MEIS1: variants seen among roughly 807,000 people sequenced by gnomAD.
The protein encoded by MEIS1 is homeobox protein Meis1.
A neutral mutation model predicts 50.8 loss-of-function variants in MEIS1; 5 were observed. The observed-to-expected ratio is 0.10, with a 90% CI of 0.05 to 0.21. The LOEUF is 0.21. Ranked by LOEUF, MEIS1 falls within the 10% of genes least tolerant of loss-of-function variation. The pLI, the probability that MEIS1 is intolerant of heterozygous loss-of-function variation, is 1.00. For synonymous variants in MEIS1, 176 were observed against 179.3 expected (o/e 0.98, Z 0.15); for missense variants, 318 against 517.3 (o/e 0.61, Z 3.74).
At chr2:66,477,769 T>A (rs1672928502) in intron 7 of MEIS1, among the ~76,000 whole-genome samples, 1 of 152,176 alleles carries the variant, frequency 6.6e-6, no homozygotes, top group African/African-American at 2.4e-5. Flanking sequence ...TGGGCCTTCA[T>A]GTTTATGTGC....
At chr2:66,476,901 G>GAA (rs142681922) in intron 7 of MEIS1, among the ~76,000 whole-genome samples, 13 of 150,330 alleles carry the variant, frequency 8.6e-5, no homozygotes, top group Middle Eastern at 3.4e-3. Flanking sequence ...GGCATGTAAG[G>GAA]AAAAAAAAAA....
intron 8 of MEIS1, among the ~76,000 whole-genome samples, chr2:66,542,207 A>C (rs921751873): frequency 2.0e-5 from 3 of 152,198 alleles, no homozygotes; most frequent in African/African-American, 7.2e-5. Context: ...GATCCACAGT[A>C]TTCCCTTAGT....
intron 4 of MEIS1, chr2:66,440,979 C>A (rs1671964842): frequency 2.9e-6 from 1 of 350,784 alleles, no homozygotes; most frequent in Non-Finnish European, 5.1e-6. Context: ...CGGACAAGAG[C>A]CCCCAAACAA....
Position 66,571,825 on chromosome 2 carries a change from C to A in MEIS1, c.*617C>A. Reference sequence around the variant, plus strand: ...AAAAAAAATGTGAAATTTTTCCACACTATGTGTGTTGTTTCCATAGCTCTT... The same window carrying A: ...AAAAAAAATGTGAAATTTTTCCACAATATGTGTGTTGTTTCCATAGCTCTT... On this transcript the variant is annotated 3_prime_UTR_variant, in exon 13 of 13. Transcript: ENST00000272369. 1 of 342,260 alleles carries A rather than the reference C, an allele frequency of 2.9e-6. No individual in the cohort carries two copies. The highest frequency in any genetic ancestry group is 5.3e-6 in the Non-Finnish European group (1 of 189,028). The allele number at this position is 342,260 out of a possible 1,614,324, so 21.2% of individuals were successfully genotyped here.
chr2:66,446,244 A>T (rs1364592515), intron 6 of MEIS1, among the ~76,000 whole-genome samples: 1 of 152,196 alleles, frequency 6.6e-6, no homozygotes, highest in Non-Finnish European at 1.5e-5. Flanking sequence ...AGGGGGCGCC[A>T]AGAGGGGTTA....
chr2:66,503,410 C>G (rs1422943721), intron 7 of MEIS1, among the ~76,000 whole-genome samples: 2 of 152,182 alleles, frequency 1.3e-5, no homozygotes, highest in African/African-American at 4.8e-5. Flanking sequence ...CTGCCCACTA[C>G]ACGTAGTTGA....
intron 8 of MEIS1, among the ~76,000 whole-genome samples, chr2:66,530,260 T>C (rs1394130160): frequency 5.9e-5 from 9 of 151,370 alleles, no homozygotes; most frequent in Non-Finnish European, 1.3e-4. Context: ...AGAATACATA[T>C]AGAAGTAGCA....
At position 66,449,149 on chromosome 2, in the gene MEIS1, G is replaced by T. The variant is rs182630720; in HGVS notation, c.630+6101G>T. Among the ~76,000 whole-genome samples the T allele has an allele frequency of 2.4e-3, 370 of 152,088 alleles. 2 individuals carry two copies. The highest frequency in any genetic ancestry group is 3.8e-3 in the Non-Finnish European group (258 of 67,928). ...GACACAGTTTATCTGACAGTTGTGC[G>T]GATGTTATTATAGATTTAAAGATTT... On this transcript the variant is annotated intron_variant, in intron 6 of 12. Coordinates refer to ENST00000272369, the MANE Select transcript of MEIS1 (RefSeq NM_002398.3).
chr2:66,475,539 A>G (rs1672874347), intron 7 of MEIS1, among the ~76,000 whole-genome samples: 1 of 152,112 alleles, frequency 6.6e-6, no homozygotes, highest in South Asian at 2.1e-4. Context: ...AAGATCATGT[A>G]CAATGACTAG....
At chr2:66,438,344 T>C (rs958888076) in intron 2 of MEIS1, among the ~76,000 whole-genome samples, 4 of 152,238 alleles carry the variant, frequency 2.6e-5, no homozygotes, top group African/African-American at 9.6e-5. Context: ...ACGAAACTTT[T>C]AGTTTAAGGG....
chr2:66,526,768 CAT>C (rs1170698094), intron 8 of MEIS1, among the ~76,000 whole-genome samples: 2 of 152,186 alleles, frequency 1.3e-5, no homozygotes, highest in Admixed American at 6.5e-5. Flanking sequence ...CATTGTCAAA[CAT>C]ATATATACAT....
intron 8 of MEIS1, among the ~76,000 whole-genome samples, chr2:66,528,759 A>C (rs1383908384): frequency 6.6e-6 from 1 of 152,098 alleles, no homozygotes; most frequent in Non-Finnish European, 1.5e-5. Flanking sequence ...GTTTTTCTAA[A>C]ACAAAACTTG....
At chr2:66,514,968 A>G (rs1673929346) in intron 8 of MEIS1, among the ~76,000 whole-genome samples, 1 of 152,212 alleles carries the variant, frequency 6.6e-6, no homozygotes, top group East Asian at 1.9e-4. Context: ...TTGTTTGTCT[A>G]AATGTAAGTA....
intron 9 of MEIS1, among the ~76,000 whole-genome samples, chr2:66,558,194 G>A (rs1321024548): frequency 4.2e-5 from 6 of 142,618 alleles, no homozygotes; most frequent in Non-Finnish European, 6.0e-5. Flanking sequence ...CAGGAGAATC[G>A]CTTGAACGCA....
chr2:66,500,428 T>C (rs978127288), intron 7 of MEIS1, among the ~76,000 whole-genome samples: 5 of 152,178 alleles, frequency 3.3e-5, no homozygotes, highest in Non-Finnish European at 7.3e-5. Context: ...TTTATTTATT[T>C]ATTTATTTTT....
intron 7 of MEIS1, among the ~76,000 whole-genome samples, chr2:66,502,424 A>C (rs1462916490): frequency 6.6e-6 from 1 of 152,208 alleles, no homozygotes; most frequent in Non-Finnish European, 1.5e-5. Flanking sequence ...ACTTTACCTA[A>C]AATTCTGCCA....
intron 2 of MEIS1, chr2:66,439,599 T>C: frequency 6.5e-7 from 1 of 1,533,212 alleles, no homozygotes; most frequent in Non-Finnish European, 8.7e-7. Context: ...TCCGGCCAGA[T>C]ACGCTAAACC....
At chr2:66,540,466 C>T (rs942858625) in intron 8 of MEIS1, among the ~76,000 whole-genome samples, 9 of 152,050 alleles carry the variant, frequency 5.9e-5, no homozygotes, top group Non-Finnish European at 1.3e-4. Context: ...CCTGACATCA[C>T]GCCCAGCTAA....
chr2:66,502,817 A>T lies in MEIS1; in HGVS notation c.743-9332A>T, dbSNP rs999410851. Among the ~76,000 whole-genome samples, 6 of 152,168 alleles carry T rather than the reference A, an allele frequency of 3.9e-5. 1 individual carries two copies. Among genetic ancestry groups the T allele is most frequent in the Admixed American group, 3.3e-4 (5 of 15,286 alleles). On this transcript the variant is annotated intron_variant, in intron 7 of 12. Coordinates refer to ENST00000272369, the MANE Select transcript of MEIS1 (RefSeq NM_002398.3). ...TTCTAGACTGGCTCTGTGCACAGGAATATGAGAAGAAACTCTTCTTCCCCC... is the reference window on the plus strand; with the variant it reads ...TTCTAGACTGGCTCTGTGCACAGGATTATGAGAAGAAACTCTTCTTCCCCC...
Sources: gnomAD v4.1 joint callset for allele counts (sites outside exome capture counted in the v4.1 genomes callset) on GRCh38, gnomAD v4.1.1 for gene constraint, MANE v1.5 for transcripts, NCBI Gene and HGNC (gene_info 2026-07-23, HGNC 2026-07-21) for gene names.